PXN: variants seen among roughly 807,000 people sequenced by gnomAD.
The protein encoded by PXN is testicular tissue protein Li 134.
Under a neutral mutation model 103.6 loss-of-function variants are expected in PXN, and 61 were observed. The ratio of observed to expected loss-of-function variants is 0.59; its 90% CI spans 0.48 to 0.73. The LOEUF (loss-of-function observed/expected upper bound fraction) is 0.73, where lower values mean the gene tolerates loss of function less well. PXN is among the 30% of genes least tolerant of loss of function. PXN has a pLI of 0.00. For synonymous variants in PXN, 562 were observed against 607.8 expected, an observed-to-expected ratio of 0.92 and a Z score of 1.11; for missense variants, 1,274 against 1,460.3, an observed-to-expected ratio of 0.87 and a Z score of 2.08.
At chr12:120,238,042 G>A (rs1388336562) in intron 1 of PXN, among the ~76,000 whole-genome samples, 2 of 152,200 alleles carry the variant, frequency 1.3e-5, no homozygotes, top group Non-Finnish European at 2.9e-5. Flanking sequence ...CCGGAGGCCC[G>A]GAGCCTTGCC....
Position 120,224,108 on chromosome 12 carries a change from C to T in PXN, c.240+43G>A. 1 of 1,445,620 alleles carries T rather than the reference C, an allele frequency of 6.9e-7. No individual in the cohort carries two copies. The highest frequency in any genetic ancestry group is 9.3e-7 in the Non-Finnish European group (1 of 1,069,682). 89.5% of individuals were successfully genotyped at this position (1,445,620 alleles called of 1,614,324 possible). A position where few individuals can be genotyped will look rare whatever the true frequency, so the allele number is the denominator to read the frequency against. ...CCCCTGCCAGCTAAGTTCCCTCTGT[C>T]CCCCAGCCTCCTTGGCCTTCCCAGC... is the stretch of plus-strand genomic sequence containing the variant. On this transcript the variant is annotated intron_variant, in intron 2 of 14. Coordinates refer to ENST00000637617, the MANE Select transcript of PXN (RefSeq NM_001385981.1). This position sits in a 1 kb window ranked among gnomAD's most constrained non-coding sequence, Gnocchi z 5.0.
rs1442655809 is a variant in PXN, at chr12:120,211,134, G to A, written c.*1180C>T. 1 of 152,186 alleles carries A rather than the reference G, an allele frequency of 6.6e-6. No individual in the cohort carries two copies. The highest frequency in any genetic ancestry group is 1.5e-5 in the Non-Finnish European group (1 of 68,086). 9.4% of individuals were successfully genotyped at this position (152,186 alleles called of 1,614,324 possible). A position where few individuals can be genotyped will look rare whatever the true frequency, so the allele number is the denominator to read the frequency against. ...TCAGTGGGTTCACAGGGGAGCAGAG[G>A]CTCCTGAGGGCTTACTCAGACAGGA... On this transcript the variant is annotated 3_prime_UTR_variant, in exon 15 of 15. Coordinates refer to ENST00000637617, the MANE Select transcript of PXN (RefSeq NM_001385981.1).
Position 120,215,597 on chromosome 12 carries a change from C to A in PXN, c.2366G>T (p.Gly789Val), listed in dbSNP as rs1419614566. The stretch of plus-strand genomic sequence containing the variant: ...CTGCCCTCCGGGGCTGCTCCGCCCG[C>A]CGTCCCGAGGCCAGCCGGCCGCCCA... ...RCWAAGWPRD[G>V]GRSSPGGQDE... The change falls in exon 10 of 15, where the codon GGC (glycine) becomes GTC (valine). Residue 789 changes from glycine (G) to valine (V), a missense_variant. Gly to Val is a moderately radical substitution (Grantham distance 109, BLOSUM62 -3). This residue lies in a region of PXN where 1,178 missense variants were observed against 1,309.0 expected (regional missense o/e 0.90). Coordinates refer to ENST00000637617, the MANE Select transcript of PXN (RefSeq NM_001385981.1). This position sits in a 1 kb window ranked among gnomAD's most constrained non-coding sequence, Gnocchi z 4.9. 2.5e-6 allele frequency: 4 copies of A among 1,610,024 alleles called. No individual in the cohort carries two copies. In the South Asian group the frequency reaches 4.4e-5, roughly 18 times the overall value.
At chr12:120,249,160 T>A (rs2136606164) in intron 1 of PXN, among the ~76,000 whole-genome samples, 1 of 151,770 alleles carries the variant, frequency 6.6e-6, no homozygotes, top group South Asian at 2.1e-4. Flanking sequence ...AAATAAATAA[T>A]AAAATAAAAA....
At position 120,216,999 on chromosome 12, in the gene PXN, G is replaced by C; in HGVS notation, c.1834C>G (p.Gln612Glu). Residue 612 changes from glutamine (Q) to glutamate (E), a missense_variant, in exon 8 of 15, where the codon CAG becomes GAG. This residue lies in a region of PXN where 1,178 missense variants were observed against 1,309.0 expected (regional missense o/e 0.90). Coordinates refer to ENST00000637617, the MANE Select transcript of PXN (RefSeq NM_001385981.1). The surrounding 1 kb of genome is among the most constrained non-coding windows in gnomAD (Gnocchi z 5.1). ...CGCCCCTGCAGCTCCGCGATGAGCT[G>C]TTCCTGGGATGGGGTCCTGCTCAAG... Reference protein sequence around the residue: ...ATLSRTPSQEQLIAELQGRLG... With the variant: ...ATLSRTPSQEELIAELQGRLG... 1 of 1,567,200 alleles carries C rather than the reference G, an allele frequency of 6.4e-7. No individual in the cohort carries two copies. The highest frequency in any genetic ancestry group is 8.6e-7 in the Non-Finnish European group (1 of 1,164,572).
At chr12:120,245,082 G>A (rs1334161398) in intron 1 of PXN, among the ~76,000 whole-genome samples, 1 of 151,958 alleles carries the variant, frequency 6.6e-6, no homozygotes, top group Admixed American at 6.6e-5. Context: ...TGCTGGGGAA[G>A]GAGGAGGAGG....
chr12:120,261,527 A>T (rs535297311), intron 1 of PXN, among the ~76,000 whole-genome samples: 17 of 152,216 alleles, frequency 1.1e-4, no homozygotes, highest in Admixed American at 7.2e-4. Flanking sequence ...TGAGACTAGG[A>T]TGATCCCCGG....
rs749697934 is a variant in PXN, at chr12:120,222,916, C to T, written c.440G>A (p.Arg147His). Residue 147 changes from arginine (R) to histidine (H), a missense_variant, in exon 4 of 15, where the codon CGC becomes CAC. Physicochemically the swap from Arg to His is conservative, Grantham distance 29. Transcript: ENST00000637617. The surrounding 1 kb of genome is among the most constrained non-coding windows in gnomAD (Gnocchi z 4.7). ...SLGSNLSELD[R>H]LLLELNAVQH... ...TACAGCGTTCAGTTCCAGCAGCAGGCGGTCGAGTTCAGAAAGGTTGCTGCC... is the reference window on the plus strand; with the variant it reads ...TACAGCGTTCAGTTCCAGCAGCAGGTGGTCGAGTTCAGAAAGGTTGCTGCC... 109 of 1,613,886 alleles carry T rather than the reference C, an allele frequency of 6.8e-5. No homozygotes were observed. The highest frequency in any genetic ancestry group is 1.6e-4 in the Middle Eastern group (1 of 6,062).
intron 1 of PXN, among the ~76,000 whole-genome samples, chr12:120,243,120 G>A (rs773482052): frequency 1.1e-4 from 16 of 152,086 alleles, no homozygotes; most frequent in Non-Finnish European, 2.2e-4. Context: ...ACACACGTCC[G>A]CCCTCCAGGC....
chr12:120,248,913 G>T (rs997553168), intron 1 of PXN, among the ~76,000 whole-genome samples: 4 of 152,094 alleles, frequency 2.6e-5, no homozygotes, highest in African/African-American at 9.7e-5. Context: ...GAGGCGGGTG[G>T]ATCACCTGAG....
At chr12:120,245,684 A>G (rs1486329798) in intron 1 of PXN, among the ~76,000 whole-genome samples, 1 of 148,966 alleles carries the variant, frequency 6.7e-6, no homozygotes, top group African/African-American at 2.5e-5. Context: ...GCTACTTGGG[A>G]GGCTGAGGCA....
rs374969563 is a variant in PXN at position 120,222,879 on chromosome 12, C to T, written c.477G>A (p.Pro159=). The change falls in exon 4 of 15, where the codon CCG becomes CCA. Residue 159 remains proline, a synonymous_variant. Transcript: ENST00000637617. The surrounding 1 kb of genome is among the most constrained non-coding windows in gnomAD (Gnocchi z 4.7). ...CGGTCCTACCTGCAGGGAAGCCTGG[C>T]GGGTTATGCTGTACAGCGTTCAGTT... ...LLELNAVQHN[P]PGFPADEANS... is the part of the protein sequence containing the mutation. The T allele has an allele frequency of 1.7e-4, 273 of 1,613,634 alleles. 1 individual carries two copies. Among genetic ancestry groups the T allele is most frequent in the African/African-American group, 6.1e-4 (46 of 74,906 alleles).
Position 120,214,791 on chromosome 12 carries a change from C to T in PXN, c.2748+34G>A, listed in dbSNP as rs778855841. 9 of 1,610,676 alleles carry T rather than the reference C, an allele frequency of 5.6e-6. No homozygotes were observed. Among genetic ancestry groups the T allele is most frequent in the East Asian group, 4.5e-5 (2 of 44,860 alleles). ...AGGGCTGCGGTGAAGCTGGAATGAG[C>T]GGAAGCGGGCGCGGTGCCGGATGAG... On this transcript the variant is annotated intron_variant, in intron 12 of 14. Coordinates refer to ENST00000637617, the MANE Select transcript of PXN (RefSeq NM_001385981.1). The surrounding 1 kb of genome is among the most constrained non-coding windows in gnomAD (Gnocchi z 5.0).
In PXN at chr12:120,221,276, C is replaced by A. The variant is rs904549205; in HGVS notation, c.831+347G>T. On this transcript the variant is annotated intron_variant, in intron 6 of 14. Transcript: ENST00000637617. The surrounding 1 kb of genome is among the most constrained non-coding windows in gnomAD (Gnocchi z 6.6). ...TGGCCCAGCAGAGAATGCCCTCCCCCACCCAGAGCAGCCATCAACACAAGG... is the reference window on the plus strand; with the variant it reads ...TGGCCCAGCAGAGAATGCCCTCCCCAACCCAGAGCAGCCATCAACACAAGG... Among the ~76,000 whole-genome samples, 1 of 152,194 alleles carries A rather than the reference C, an allele frequency of 6.6e-6. No homozygotes were observed. Among genetic ancestry groups the A allele is most frequent in the Non-Finnish European group, 1.5e-5 (1 of 68,020 alleles).
rs1176909208 is a variant in PXN, at chr12:120,228,259, C to G, written c.14-3882G>C. 6.6e-6 allele frequency among the ~76,000 whole-genome samples: 1 copy of G among 152,232 alleles called. No homozygotes were observed. The highest frequency in any genetic ancestry group is 1.5e-5 in the Non-Finnish European group (1 of 68,034). ...GTCCAGGCCTGGGGCCCTCCAGACC[C>G]AAGTCACCCTGAAGGAGGAAGCTCT... On this transcript the variant is annotated intron_variant, in intron 1 of 14. Coordinates refer to ENST00000637617, the MANE Select transcript of PXN (RefSeq NM_001385981.1). This position sits in a 1 kb window ranked among gnomAD's most constrained non-coding sequence, Gnocchi z 4.7.
rs1412154718 is a variant in PXN, at chr12:120,210,915, T to C, written c.*1399A>G. 1.3e-5 allele frequency: 2 copies of C among 152,724 alleles called. No individual in the cohort carries two copies. The highest frequency in any genetic ancestry group is 4.8e-5 in the African/African-American group (2 of 41,432). The allele number at this position is 152,724 out of a possible 1,614,324, so 9.5% of individuals were successfully genotyped here. On this transcript the variant is annotated 3_prime_UTR_variant, in exon 15 of 15. Transcript: ENST00000637617. ...CCCCAAATCCTATCATGCTCCCTTA[T>C]GACCTTCTTTCCAGACCCCCTGAGT... is the stretch of plus-strand genomic sequence containing the variant.
chr12:120,265,584 G>A lies in PXN; in HGVS notation c.13+33C>T. 1 of 1,483,194 alleles carries A rather than the reference G, an allele frequency of 6.7e-7. No homozygotes were observed. Among genetic ancestry groups the A allele is most frequent in the South Asian group, 1.3e-5 (1 of 78,656 alleles). The allele number at this position is 1,483,194 out of a possible 1,614,324, so 91.9% of individuals were successfully genotyped here. ...CCTGGCCCCAAGCTGCGCGCCTCTC[G>A]CCTCCTCCTCCCTCGGCCTCCCGCT... On this transcript the variant is annotated intron_variant, in intron 1 of 14. Coordinates refer to ENST00000637617, the MANE Select transcript of PXN (RefSeq NM_001385981.1). The surrounding 1 kb of genome is among the most constrained non-coding windows in gnomAD (Gnocchi z 5.7).
At chr12:120,237,213 CAGT>C (rs1889259232) in intron 1 of PXN, among the ~76,000 whole-genome samples, 1 of 151,326 alleles carries the variant, frequency 6.6e-6, no homozygotes. Flanking sequence ...GGCTGGGGTA[CAGT>C]GGCATGATCA....
chr12:120,240,131 T>A (rs1889892444), intron 1 of PXN, among the ~76,000 whole-genome samples: 1 of 152,110 alleles, frequency 6.6e-6, no homozygotes, highest in Non-Finnish European at 1.5e-5. Flanking sequence ...GCCCCTTATA[T>A]AATGGGGACT....
Sources: allele counts gnomAD v4.1 joint callset (sites outside exome capture counted in the v4.1 genomes callset), GRCh38; gene constraint gnomAD v4.1.1; regional missense constraint gnomAD v4.1.1; non-coding constraint Gnocchi (gnomAD v3.1); transcripts MANE v1.5; gene names NCBI Gene and HGNC (gene_info 2026-07-23, HGNC 2026-07-21).